PDE4D: variants seen among roughly 807,000 people sequenced by gnomAD.
PDE4D encodes 3',5'-cyclic-AMP phosphodiesterase 4D.
In PDE4D, 24 loss-of-function variants were observed where a neutral mutation model predicts 87.4. That is an observed-to-expected ratio of 0.27 (90% CI 0.20 to 0.39). The LOEUF (loss-of-function observed/expected upper bound fraction) is 0.39. PDE4D is among the 10% of genes least tolerant of loss of function. The pLI, the probability that PDE4D is intolerant of heterozygous loss-of-function variation, is 1.00. For missense variants in PDE4D, 714 were observed against 1,041.0 expected (o/e 0.69, Z 4.32); for synonymous variants, 384 against 383.2 (o/e 1.00, Z -0.02).
intron 1 of PDE4D, among the ~76,000 whole-genome samples, chr5:59,594,913 G>A (rs1001078780): frequency 6.6e-6 from 1 of 151,944 alleles, no homozygotes; most frequent in African/African-American, 2.4e-5. Context: ...AGGTTCAATT[G>A]TAAAAAAAAA....
chr5:59,020,932 C>T (rs953320372), intron 6 of PDE4D, among the ~76,000 whole-genome samples: 1 of 152,154 alleles, frequency 6.6e-6, no homozygotes, highest in African/African-American at 2.4e-5. Flanking sequence ...TTCTCAGCTG[C>T]ATTTTCATTT....
intron 1 of PDE4D, among the ~76,000 whole-genome samples, chr5:59,297,298 G>T (rs989363964): frequency 6.6e-6 from 1 of 152,126 alleles, no homozygotes; most frequent in African/African-American, 2.4e-5. Flanking sequence ...AATACTAAAT[G>T]TAATTATCAT....
intron 1 of PDE4D, among the ~76,000 whole-genome samples, chr5:60,280,150 A>G (rs1751755575): frequency 6.6e-6 from 1 of 152,230 alleles, no homozygotes; most frequent in South Asian, 2.1e-4. Context: ...ATTACTCAAC[A>G]TATGCAACAA....
intron 1 of PDE4D, among the ~76,000 whole-genome samples, chr5:60,197,276 G>T (rs887004681): frequency 2.0e-5 from 3 of 151,332 alleles, no homozygotes; most frequent in Non-Finnish European, 3.0e-5. Context: ...ATTATCTCTG[G>T]GTAATTATGA....
chr5:60,036,778 T>C (rs1767856580), intron 2 of PDE4D, among the ~76,000 whole-genome samples: 1 of 152,170 alleles, frequency 6.6e-6, no homozygotes, highest in South Asian at 2.1e-4. Context: ...CCTATCTCTG[T>C]GGGAATGAAT....
At chr5:59,651,471 C>T (rs992380430) in intron 1 of PDE4D, among the ~76,000 whole-genome samples, 1 of 151,626 alleles carries the variant, frequency 6.6e-6, no homozygotes, top group Non-Finnish European at 1.5e-5. Context: ...TTTTATCTGA[C>T]CTTCCTTCCA....
At chr5:59,653,320 T>C (rs547341573) in intron 1 of PDE4D, among the ~76,000 whole-genome samples, 28 of 151,940 alleles carry the variant, frequency 1.8e-4, no homozygotes, top group African/African-American at 4.6e-4. Context: ...AATTATGCCT[T>C]AGCCTCCAGA....
intron 1 of PDE4D, among the ~76,000 whole-genome samples, chr5:59,889,093 C>T (rs539430585): frequency 5.3e-5 from 8 of 151,592 alleles, no homozygotes; most frequent in Admixed American, 1.3e-4. Context: ...TCAGGCGTGG[C>T]GGCTCGTGCC....
intron 2 of PDE4D, among the ~76,000 whole-genome samples, chr5:59,206,304 G>T (rs953375975): frequency 2.6e-5 from 4 of 152,124 alleles, no homozygotes; most frequent in Admixed American, 2.0e-4. Context: ...TCTGCTTGAT[G>T]CTTTCTTTCT....
chr5:60,391,371 G>A (rs757861110), intron 1 of PDE4D, among the ~76,000 whole-genome samples: 2 of 152,048 alleles, frequency 1.3e-5, no homozygotes, highest in African/African-American at 2.4e-5. Flanking sequence ...ACCATTAGTG[G>A]CATAAAACAA....
intron 1 of PDE4D, among the ~76,000 whole-genome samples, chr5:59,880,998 T>C (rs1234646948): frequency 6.6e-6 from 1 of 152,148 alleles, no homozygotes; most frequent in East Asian, 1.9e-4. Flanking sequence ...ATAAAAATAA[T>C]ACATAAAGTT....
At chr5:60,372,932 G>T (rs1377959391) in intron 1 of PDE4D, among the ~76,000 whole-genome samples, 1 of 152,164 alleles carries the variant, frequency 6.6e-6, no homozygotes, top group Non-Finnish European at 1.5e-5. Flanking sequence ...TGCCTTAGAG[G>T]CAGTGAGATG....
rs192445130 is a variant in PDE4D at position 59,407,044 on chromosome 5, T to C, written c.456-191076A>G. ...GAATGATTTAACTGGACTTGTAGAGTCTTGGGGTTCATTATAGGGTGGTGT... is the reference window on the plus strand; with the variant it reads ...GAATGATTTAACTGGACTTGTAGAGCCTTGGGGTTCATTATAGGGTGGTGT... On this transcript the variant is annotated intron_variant, in intron 1 of 14. Coordinates refer to ENST00000340635, the MANE Select transcript of PDE4D (RefSeq NM_001104631.2). Among the ~76,000 whole-genome samples, 26 of 152,196 alleles carry C rather than the reference T, an allele frequency of 1.7e-4. No individual in the cohort carries two copies. In the East Asian group the frequency reaches 4.1e-3, roughly 24 times the overall value.
At chr5:59,258,335 T>C (rs1324123248) in intron 1 of PDE4D, among the ~76,000 whole-genome samples, 1 of 151,936 alleles carries the variant, frequency 6.6e-6, no homozygotes, top group Non-Finnish European at 1.5e-5. Flanking sequence ...TCCTGTGTTC[T>C]CTTCACTGGA....
intron 1 of PDE4D, among the ~76,000 whole-genome samples, chr5:60,235,985 G>A (rs984383525): frequency 2.0e-5 from 3 of 151,862 alleles, no homozygotes; most frequent in Admixed American, 6.6e-5. Flanking sequence ...CAGTTCTGTA[G>A]AGAAAGGATA....
chr5:59,248,815 C>T lies in PDE4D; in HGVS notation c.456-32847G>A, dbSNP rs564258687. Among the ~76,000 whole-genome samples, 5 of 151,978 alleles carry T rather than the reference C, an allele frequency of 3.3e-5. No homozygotes were observed. In the South Asian group the frequency reaches 6.2e-4, roughly 19 times the overall value. ...GCACATGTAACAAATGGTCCTGAGA[C>T]GTATAGTGGGAAAAAATAAACTTGT... On this transcript the variant is annotated intron_variant, in intron 1 of 14. Coordinates refer to ENST00000340635, the MANE Select transcript of PDE4D (RefSeq NM_001104631.2).
chr5:60,450,116 A>T (rs1745979458), intron 1 of PDE4D, among the ~76,000 whole-genome samples: 1 of 151,830 alleles, frequency 6.6e-6, no homozygotes, highest in African/African-American at 2.4e-5. Context: ...AGAAGTTCAC[A>T]TACCATAATT....
chr5:59,688,515 A>C (rs1750311629), intron 1 of PDE4D, among the ~76,000 whole-genome samples: 1 of 152,224 alleles, frequency 6.6e-6, no homozygotes, highest in Non-Finnish European at 1.5e-5. Flanking sequence ...TGTTCTTTGA[A>C]ACCAATGAGA....
At chr5:60,389,526 A>C (rs1044777839) in intron 1 of PDE4D, among the ~76,000 whole-genome samples, 1 of 152,204 alleles carries the variant, frequency 6.6e-6, no homozygotes, top group Non-Finnish European at 1.5e-5. Context: ...CTTAAAACTT[A>C]GTAGCTGAAA....
Sources: gnomAD v4.1 joint callset for allele counts (sites outside exome capture counted in the v4.1 genomes callset) on GRCh38, gnomAD v4.1.1 for gene constraint, MANE v1.5 for transcripts, NCBI Gene and HGNC (gene_info 2026-07-23, HGNC 2026-07-21) for gene names.